ERBB4: variants seen among roughly 807,000 people sequenced by gnomAD.
The protein encoded by ERBB4 is receptor tyrosine-protein kinase erbB-4.
A neutral mutation model predicts 158.0 loss-of-function variants in ERBB4; 42 were observed. The observed-to-expected ratio is 0.27, with a 90% CI of 0.21 to 0.34. The LOEUF (loss-of-function observed/expected upper bound fraction) is 0.34. ERBB4 is among the 10% of genes least tolerant of loss of function. The probability of loss-of-function intolerance (pLI) is 1.00; values close to 1 mark genes in which losing one functional copy is unlikely to be tolerated. For synonymous variants in ERBB4, 583 were observed against 558.7 expected (o/e 1.04, Z -0.61); for missense variants, 1,333 against 1,624.1 (o/e 0.82, Z 3.08).
chr2:211,435,405 G>A (rs1196227214), intron 20 of ERBB4, among the ~76,000 whole-genome samples: 1 of 152,204 alleles, frequency 6.6e-6, no homozygotes, highest in African/African-American at 2.4e-5. Context: ...GATGAACACT[G>A]TTGACGTATT....
chr2:211,850,640 G>T (rs2077695327), intron 3 of ERBB4, among the ~76,000 whole-genome samples: 1 of 151,756 alleles, frequency 6.6e-6, no homozygotes, highest in African/African-American at 2.4e-5. Flanking sequence ...TCAGCTGGGG[G>T]AGCTGTCATG....
rs917567451 is a variant in ERBB4, at chr2:211,501,898, C to T, written c.2487+60005G>A. ...CTTCATGGGCTTGAGCAGTGTGAGG[C>T]CACATTAAATCTCCCAGAGCATTTA... On this transcript the variant is annotated intron_variant, in intron 20 of 27. Coordinates refer to ENST00000342788, the MANE Select transcript of ERBB4 (RefSeq NM_005235.3). Among the ~76,000 whole-genome samples, 16 of 152,184 alleles carry T rather than the reference C, an allele frequency of 1.1e-4. No individual in the cohort carries two copies. The South Asian group carries it at 2.1e-3, about 20-fold the overall frequency.
At chr2:212,470,414 G>A (rs1184910068) in intron 1 of ERBB4, among the ~76,000 whole-genome samples, 3 of 152,006 alleles carry the variant, frequency 2.0e-5, no homozygotes, top group African/African-American at 7.2e-5. Flanking sequence ...GCCTATCATA[G>A]GACCAACTCC....
At chr2:212,042,249 T>C (rs185043081) in intron 2 of ERBB4, among the ~76,000 whole-genome samples, 138 of 152,256 alleles carry the variant, frequency 9.1e-4, no homozygotes, top group African/African-American at 3.2e-3. Context: ...CAAATCCATG[T>C]AACACAATAA....
At chr2:211,464,047 C>T (rs1276122553) in intron 20 of ERBB4, among the ~76,000 whole-genome samples, 1 of 152,108 alleles carries the variant, frequency 6.6e-6, no homozygotes, top group Non-Finnish European at 1.5e-5. Context: ...AGTCTTATCT[C>T]ACATGTCACT....
chr2:211,772,850 T>TATATATATACAC lies in ERBB4; in HGVS notation c.556+15174_556+15175insGTGTATATATAT, dbSNP rs1553629925. Among the ~76,000 whole-genome samples the TATATATATACAC allele has an allele frequency of 7.4e-5, 5 of 67,528 alleles. 1 individual carries two copies. The highest frequency in any genetic ancestry group is 2.9e-4 in the African/African-American group (5 of 17,026). The allele number at this position is 67,528 out of a possible 152,430, so 44.3% of individuals were successfully genotyped here. On this transcript the variant is annotated intron_variant, in intron 4 of 27. Transcript: ENST00000342788. ...ATATATATATACACATATATATATA[T>TATATATATACAC]ATATATATATATATATATACACATA...
chr2:211,794,262 G>T (rs2076336036), intron 3 of ERBB4, among the ~76,000 whole-genome samples: 1 of 151,850 alleles, frequency 6.6e-6, no homozygotes, highest in South Asian at 2.1e-4. Context: ...CCTCTGAGAG[G>T]TTTGCTATGA....
At chr2:212,121,483 C>CA (rs758863759) in intron 2 of ERBB4, among the ~76,000 whole-genome samples, 3 of 152,242 alleles carry the variant, frequency 2.0e-5, no homozygotes, top group East Asian at 3.8e-4. Flanking sequence ...GCTGGGATTA[C>CA]AGGCATGAGC....
intron 3 of ERBB4, among the ~76,000 whole-genome samples, chr2:211,843,415 G>GCACACACACA (rs10673889): frequency 8.0e-5 from 12 of 149,928 alleles, no homozygotes; most frequent in African/African-American, 2.7e-4. Context: ...GCGTGCGTGT[G>GCACACACACA]CACACACACA....
chr2:211,677,403 A>G (rs2072120196), intron 13 of ERBB4, among the ~76,000 whole-genome samples: 2 of 151,752 alleles, frequency 1.3e-5, no homozygotes, highest in African/African-American at 4.8e-5. Context: ...TGTCTCTACT[A>G]AAAATACAAA....
At chr2:211,845,579 T>C (rs1339781543) in intron 3 of ERBB4, among the ~76,000 whole-genome samples, 1 of 152,148 alleles carries the variant, frequency 6.6e-6, no homozygotes, top group East Asian at 1.9e-4. Context: ...TTGCTGGGCT[T>C]GTGTGGACCA....
At chr2:212,151,310 T>C (rs988386906) in intron 1 of ERBB4, among the ~76,000 whole-genome samples, 2 of 151,076 alleles carry the variant, frequency 1.3e-5, no homozygotes, top group East Asian at 3.9e-4. Flanking sequence ...CATAGGCATA[T>C]AGCAATATAT....
At chr2:212,297,248 G>C (rs1026724237) in intron 1 of ERBB4, among the ~76,000 whole-genome samples, 1 of 152,046 alleles carries the variant, frequency 6.6e-6, no homozygotes, top group South Asian at 2.1e-4. Flanking sequence ...CAATAAAACA[G>C]TTTTGGCTTT....
intron 25 of ERBB4, among the ~76,000 whole-genome samples, chr2:211,415,711 CAT>C (rs1473185421): frequency 6.6e-6 from 1 of 152,080 alleles, no homozygotes; most frequent in Non-Finnish European, 1.5e-5. Context: ...TAGAGAGAAT[CAT>C]ATTTTTAGCA....
At chr2:211,644,358 G>T (rs1302590411) in intron 16 of ERBB4, among the ~76,000 whole-genome samples, 2 of 151,786 alleles carry the variant, frequency 1.3e-5, no homozygotes. Flanking sequence ...TTCTAATTAT[G>T]GGGAAACCCA....
chr2:211,980,363 A>C (rs2081754506), intron 2 of ERBB4, among the ~76,000 whole-genome samples: 1 of 152,184 alleles, frequency 6.6e-6, no homozygotes, highest in South Asian at 2.1e-4. Context: ...AGTAGACCGA[A>C]GAGATGGTAA....
intron 20 of ERBB4, among the ~76,000 whole-genome samples, chr2:211,515,903 T>TATATATATATATATATATATATATAC (rs1559248792): frequency 1.1e-5 from 1 of 90,768 alleles, no homozygotes; most frequent in East Asian, 2.9e-4. Context: ...ATATTATATA[T>TATATATATATATATATATATATATAC]ATATATATAT....
chr2:211,946,616 T>A (rs1158190269), intron 3 of ERBB4, among the ~76,000 whole-genome samples: 2 of 133,272 alleles, frequency 1.5e-5, no homozygotes, highest in Non-Finnish European at 3.1e-5. Flanking sequence ...GAGATGGAGT[T>A]TCGCTGTTGT....
intron 25 of ERBB4, among the ~76,000 whole-genome samples, chr2:211,394,875 G>T (rs896401011): frequency 6.6e-6 from 1 of 151,970 alleles, no homozygotes; most frequent in Non-Finnish European, 1.5e-5. Context: ...CTCCAGGATT[G>T]TATTCTTGAA....
Sources: allele counts gnomAD v4.1 joint callset (sites outside exome capture counted in the v4.1 genomes callset), GRCh38; gene constraint gnomAD v4.1.1; transcripts MANE v1.5; gene names NCBI Gene and HGNC (gene_info 2026-07-23, HGNC 2026-07-21).